The following COL7A1 variants were observed in gnomAD, a reference collection of about 807,000 sequenced individuals.
The protein encoded by COL7A1 is collagen type VII alpha 1 chain.
Under a neutral mutation model 456.2 loss-of-function variants are expected in COL7A1, and 296 were observed. That is an observed-to-expected ratio of 0.65 (90% confidence interval 0.59 to 0.71). The LOEUF (loss-of-function observed/expected upper bound fraction) is 0.71. Among genes scored for constraint, COL7A1 ranks in the 30% least tolerant of loss-of-function variants. The pLI is 0.00. For synonymous variants in COL7A1, 1,464 were observed against 1,525.9 expected (o/e 0.96, Z 0.95); for missense variants, 3,441 against 4,017.2 (o/e 0.86, Z 3.88).
In COL7A1 at chr3:48,592,754, C is replaced by A; in HGVS notation, c.846+21G>T. ...GCCCAGCCAAGTCCCCAGCCACCAC[C>A]TATCACTCCTGACATCCTACCTCCT... On this transcript the variant is annotated intron_variant, in intron 7 of 118. Coordinates refer to ENST00000681320, the MANE Select transcript of COL7A1 (RefSeq NM_000094.4). The surrounding 1 kb of genome is among the most constrained non-coding windows in gnomAD (Gnocchi z 7.6). 6.2e-7 allele frequency: 1 copy of A among 1,613,470 alleles called. No homozygotes were observed.
In COL7A1 at chr3:48,568,556, GA is replaced by G; in HGVS notation, c.7759-23del. 6.2e-7 allele frequency: 1 copy of G among 1,605,242 alleles called. No homozygotes were observed. The highest frequency in any genetic ancestry group is 2.2e-5 in the East Asian group (1 of 44,558). On this transcript the variant is annotated intron_variant, in intron 104 of 118. Transcript: ENST00000681320. This position sits in a 1 kb window ranked among gnomAD's most constrained non-coding sequence, Gnocchi z 5.2. ...GACCCTGTGAGAAACACAGATGGGG[GA>G]GCCCTTCAGTGGGACTGTCCCCAAC...
chr3:48,577,414 GGCATGGGCTTATACATGTCTCCAAAGA>G (rs1437608271), intron 65 of COL7A1, among the ~76,000 whole-genome samples: 1 of 152,190 alleles, frequency 6.6e-6, no homozygotes, highest in African/African-American at 2.4e-5. Context: ...TCTGCATATG[GGCATGGGCTTATACATGTCTCCAAAGA>G]GCATGGGCTT....
At position 48,564,864 on chromosome 3, in the gene COL7A1, C is replaced by T; in HGVS notation, c.8737G>A (p.Gly2913Arg). 6.2e-7 allele frequency: 1 copy of T among 1,614,182 alleles called. No homozygotes were observed. The highest frequency in any genetic ancestry group is 2.2e-5 in the East Asian group (1 of 44,870). Residue 2913 changes from glycine (G) to arginine (R), a missense_variant, in exon 118 of 119, where the codon GGA becomes AGA. Physicochemically the swap from Gly to Arg is moderately radical, Grantham distance 125. Transcript: ENST00000681320. This position sits in a 1 kb window ranked among gnomAD's most constrained non-coding sequence, Gnocchi z 6.0. ...GTCCCAAAACGGTTGGCATTCCCTC[C>T]ACAGCCACCATAGACAAAAGGGTGA... The part of the protein sequence containing the change: ...ACHPFVYGGC[G>R]GNANRFGTRE...
At position 48,587,016 on chromosome 3, in the gene COL7A1, G is replaced by A. The variant is rs149154108; in HGVS notation, c.3232C>T (p.Arg1078Cys). 421 of 1,603,422 alleles carry A rather than the reference G, an allele frequency of 2.6e-4. No homozygotes were observed. The highest frequency in any genetic ancestry group is 4.7e-4 in the East Asian group (21 of 44,540). Reference protein sequence around the residue: ...RAEATRRVLERLVLALGPLGP... With the variant: ...RAEATRRVLECLVLALGPLGP... Reference sequence around the variant, plus strand: ...AGAGGCCCAAGTGCCAACACCAGACGCTCCAGGACCCTCCTCGTAGCCTCC... The same window carrying A: ...AGAGGCCCAAGTGCCAACACCAGACACTCCAGGACCCTCCTCGTAGCCTCC... The change falls in exon 25 of 119, where the codon CGT (arginine) becomes TGT (cysteine). Residue 1078 changes from arginine to cysteine, a missense_variant. Physicochemically the swap from Arg to Cys is radical, Grantham distance 180. Coordinates refer to ENST00000681320, the MANE Select transcript of COL7A1 (RefSeq NM_000094.4). The surrounding 1 kb of genome is among the most constrained non-coding windows in gnomAD (Gnocchi z 6.1).
At position 48,579,142 on chromosome 3, in the gene COL7A1, C is replaced by G. The variant is rs975348597; in HGVS notation, c.5388+55G>C. ...AACCAATGAGGCTGGGGTCTAGGGTCCTCATGTGAAGGGGTAGGGGAAGGG... is the reference window on the plus strand; with the variant it reads ...AACCAATGAGGCTGGGGTCTAGGGTGCTCATGTGAAGGGGTAGGGGAAGGG... On this transcript the variant is annotated intron_variant, in intron 62 of 118. Transcript: ENST00000681320. This position sits in a 1 kb window ranked among gnomAD's most constrained non-coding sequence, Gnocchi z 4.4. 2 of 1,596,084 alleles carry G rather than the reference C, an allele frequency of 1.3e-6. No homozygotes were observed. Among genetic ancestry groups the G allele is most frequent in the Non-Finnish European group, 1.7e-6 (2 of 1,166,230 alleles).
rs941738184 is a variant in COL7A1 at position 48,568,583 on chromosome 3, A to C, written c.7759-49T>G. 2.5e-6 allele frequency: 4 copies of C among 1,585,394 alleles called. No individual in the cohort carries two copies. The highest frequency in any genetic ancestry group is 3.4e-6 in the Non-Finnish European group (4 of 1,161,944). On this transcript the variant is annotated intron_variant, in intron 104 of 118. Coordinates refer to ENST00000681320, the MANE Select transcript of COL7A1 (RefSeq NM_000094.4). This position sits in a 1 kb window ranked among gnomAD's most constrained non-coding sequence, Gnocchi z 5.2. ...GCCCTTCAGTGGGACTGTCCCCAAC[A>C]CTGGCCCATCCGCTGCATGTGTGGC...
rs769870600 is a variant in COL7A1 at position 48,570,736 on chromosome 3, G to T, written c.7273-26C>A. 1 of 1,564,528 alleles carries T rather than the reference G, an allele frequency of 6.4e-7. No homozygotes were observed. Among genetic ancestry groups the T allele is most frequent in the African/African-American group, 1.4e-5 (1 of 73,678 alleles). On this transcript the variant is annotated intron_variant, in intron 95 of 118. Coordinates refer to ENST00000681320, the MANE Select transcript of COL7A1 (RefSeq NM_000094.4). This position sits in a 1 kb window ranked among gnomAD's most constrained non-coding sequence, Gnocchi z 5.5. ...CTACCAGAAAAATGGGGCAAGAGAGGCAGAGAGTGACTTGGGAACCCTCCT... is the reference window on the plus strand; with the variant it reads ...CTACCAGAAAAATGGGGCAAGAGAGTCAGAGAGTGACTTGGGAACCCTCCT...
Position 48,592,160 on chromosome 3 carries a change from G to A in COL7A1, c.1182C>T (p.Thr394=), listed in dbSNP as rs1171155934. The change falls in exon 10 of 119, where the codon ACC becomes ACT. Residue 394 remains threonine (T), a synonymous_variant. Coordinates refer to ENST00000681320, the MANE Select transcript of COL7A1 (RefSeq NM_000094.4). The surrounding 1 kb of genome is among the most constrained non-coding windows in gnomAD (Gnocchi z 7.6). ...CACTGCGGCCAAATAGGGTGCTCAC[G>A]GTCACCTCATAGTCCGTGCCAGGCT... The part of the protein sequence containing the change: ...DLEPGTDYEV[T]VSTLFGRSVG... 4.3e-6 allele frequency: 7 copies of A among 1,614,078 alleles called. No homozygotes were observed. Among genetic ancestry groups the A allele is most frequent in the South Asian group, 3.3e-5 (3 of 91,082 alleles).
chr3:48,566,624 C>T lies in COL7A1; in HGVS notation c.8304+36G>A. 6.2e-7 allele frequency: 1 copy of T among 1,614,162 alleles called. No individual in the cohort carries two copies. The highest frequency in any genetic ancestry group is 1.1e-5 in the South Asian group (1 of 91,080). On this transcript the variant is annotated intron_variant, in intron 112 of 118. Transcript: ENST00000681320. The surrounding 1 kb of genome is among the most constrained non-coding windows in gnomAD (Gnocchi z 5.9). ...GACCTCAGGGACAACAGAAGTCACC[C>T]CGATCTCTGACCCAAGCCTTGGAAT...
At position 48,594,690 on chromosome 3, in the gene COL7A1, A is replaced by G; in HGVS notation, c.86-142T>C. The G allele has an allele frequency of 2.0e-6, 2 of 995,368 alleles. No homozygotes were observed. The highest frequency in any genetic ancestry group is 5.2e-5 in the East Asian group (2 of 38,108). 61.7% of individuals were successfully genotyped at this position (995,368 alleles called of 1,614,324 possible). On this transcript the variant is annotated intron_variant, in intron 2 of 118. Transcript: ENST00000681320. The surrounding 1 kb of genome is among the most constrained non-coding windows in gnomAD (Gnocchi z 5.5). ...CCAGGGCCGAATCGGCCTGAGCCTG[A>G]GGGCCTTGGAGGGAGTTGAGCTCGG...
Position 48,567,885 on chromosome 3 carries a change from G to A in COL7A1, c.7882C>T (p.Arg2628Trp), listed in dbSNP as rs376588113. Residue 2628 changes from arginine to tryptophan, a missense_variant, in exon 107 of 119, where the codon CGG becomes TGG. This residue lies in a region of COL7A1 where 2,084 missense variants were observed against 2,501.3 expected (regional missense o/e 0.83). Coordinates refer to ENST00000681320, the MANE Select transcript of COL7A1 (RefSeq NM_000094.4). The surrounding 1 kb of genome is among the most constrained non-coding windows in gnomAD (Gnocchi z 4.3). ...AGGCCACAGGCTCCCTTCACTCCCC[G>A]TTCACCCTGAGGGAGAAAAGCAGAT... ...FMGPRGLKGE[R>W]GVKGACGLDG... is the part of the protein sequence containing the mutation. 12 of 1,613,272 alleles carry A rather than the reference G, an allele frequency of 7.4e-6. No individual in the cohort carries two copies. The highest frequency in any genetic ancestry group is 4.0e-5 in the African/African-American group (3 of 74,568).
In COL7A1 at chr3:48,583,505, G is replaced by C. The variant is rs756684122; in HGVS notation, c.4401+51C>G. On this transcript the variant is annotated intron_variant, in intron 41 of 118. Transcript: ENST00000681320. This position sits in a 1 kb window ranked among gnomAD's most constrained non-coding sequence, Gnocchi z 5.1. The stretch of plus-strand genomic sequence containing the variant: ...GGAGCAGTGGTTGATGATTGAGGTA[G>C]GGGCTGGAGCTGTGCCCACCATATT... The C allele has an allele frequency of 1.2e-6, 2 of 1,613,656 alleles. No homozygotes were observed. Among genetic ancestry groups the C allele is most frequent in the East Asian group, 4.5e-5 (2 of 44,860 alleles).
chr3:48,584,833 AC>A, intron 34 of COL7A1, 64 bp from the exon 35 acceptor site: 1 of 1,613,700 alleles, frequency 6.2e-7, no homozygotes, highest in South Asian at 1.1e-5. Context: ...TGGGCACTGC[AC>A]CACCACCCCA....
In COL7A1 at chr3:48,574,712, C is replaced by G; in HGVS notation, c.6358G>C (p.Gly2120Arg). 6.2e-7 allele frequency: 1 copy of G among 1,613,932 alleles called. No individual in the cohort carries two copies. Among genetic ancestry groups the G allele is most frequent in the Non-Finnish European group, 8.5e-7 (1 of 1,180,030 alleles). Reference sequence around the variant, plus strand: ...TTGGGACCTTGGTCACCATTGCTGCCCGGCTCCCCCTGTGGGGATGAGATG... The same window carrying G: ...TTGGGACCTTGGTCACCATTGCTGCGCGGCTCCCCCTGTGGGGATGAGATG... ...PGLKGAKGEP[G>R]SNGDQGPKGD... Residue 2120 changes from glycine (G) to arginine (R), a missense_variant, in exon 78 of 119, where the codon GGC becomes CGC. This residue lies in a region of COL7A1 where 2,084 missense variants were observed against 2,501.3 expected (regional missense o/e 0.83). Coordinates refer to ENST00000681320, the MANE Select transcript of COL7A1 (RefSeq NM_000094.4). This position sits in a 1 kb window ranked among gnomAD's most constrained non-coding sequence, Gnocchi z 5.0.
rs78875526 is a variant in COL7A1 at position 48,571,204 on chromosome 3, G to A, written c.7104+39C>T. On this transcript the variant is annotated intron_variant, in intron 93 of 118. Coordinates refer to ENST00000681320, the MANE Select transcript of COL7A1 (RefSeq NM_000094.4). This position sits in a 1 kb window ranked among gnomAD's most constrained non-coding sequence, Gnocchi z 4.6. ...TCGGATCAAGCTCAGGGAGTCTCACGACCAGGACCCCAGCAGGGACCCTTC... is the reference window on the plus strand; with the variant it reads ...TCGGATCAAGCTCAGGGAGTCTCACAACCAGGACCCCAGCAGGGACCCTTC... 3.0e-3 allele frequency: 4,829 copies of A among 1,614,040 alleles called. 109 individuals are homozygous for A. In the African/African-American group the frequency reaches 0.055, roughly 18 times the overall value.
Position 48,569,426 on chromosome 3 carries a change from GC to G in COL7A1, c.7634del (p.Gly2545AlafsTer86). ...CCCGAGGTCCTTTGTCACCATCCAA[GC>G]CCCGAGGCCCTCGTTCACCCTGGGT... ...KGDMGERGPR[G>X]LDGDKGPRGD... is the part of the protein sequence containing the mutation. On this transcript the variant is annotated frameshift_variant, in exon 103 of 119. Transcript: ENST00000681320. LOFTEE classifies it high-confidence loss of function. This position sits in a 1 kb window ranked among gnomAD's most constrained non-coding sequence, Gnocchi z 4.9. 1 of 1,614,118 alleles carries G rather than the reference GC, an allele frequency of 6.2e-7. No homozygotes were observed. The highest frequency in any genetic ancestry group is 8.5e-7 in the Non-Finnish European group (1 of 1,180,012).
In COL7A1 at chr3:48,590,515, G is replaced by C; in HGVS notation, c.1850C>G (p.Ala617Gly). 1 of 1,614,118 alleles carries C rather than the reference G, an allele frequency of 6.2e-7. No individual in the cohort carries two copies. The highest frequency in any genetic ancestry group is 8.5e-7 in the Non-Finnish European group (1 of 1,180,020). Reference protein sequence around the residue: ...VVSDATRVRVAWGPVPGASGF... With the variant: ...VVSDATRVRVGWGPVPGASGF... ...ACTGGCTCCAGGGACGGGTCCCCAG[G>C]CCACCCTCACTCGCGTTGCATCTGA... is the stretch of plus-strand genomic sequence containing the variant. Residue 617 changes from alanine (A) to glycine (G), a missense_variant, in exon 15 of 119, where the codon GCC becomes GGC. This residue lies in a region of COL7A1 where 913 missense variants were observed against 1,088.2 expected (regional missense o/e 0.84). Transcript: ENST00000681320. This position sits in a 1 kb window ranked among gnomAD's most constrained non-coding sequence, Gnocchi z 4.6.
Position 48,584,777 on chromosome 3 carries a change from C to T in COL7A1, c.4012-8G>A, listed in dbSNP as rs773379113. 36 of 1,613,890 alleles carry T rather than the reference C, an allele frequency of 2.2e-5. No individual in the cohort carries two copies. Among genetic ancestry groups the T allele is most frequent in the Admixed American group, 8.3e-5 (5 of 60,008 alleles). ...TCGAGGTCCTCGCTCTCCCTGAGGA[C>T]GAAACAGAGCAGAGGGTGGTGCTTG... On this transcript the variant is annotated splice_region_variant and splice_polypyrimidine_tract_variant and intron_variant, in intron 34 of 118. Transcript: ENST00000681320.
rs777800464 is a variant in COL7A1, at chr3:48,565,523, G to T, written c.8441-27C>A. 3.8e-5 allele frequency: 61 copies of T among 1,613,326 alleles called. 2 individuals carry two copies. In the South Asian group the frequency reaches 6.6e-4, roughly 17 times the overall value. ...TGGAGCCAAGAGCAGGGGCCTCAGG[G>T]CCCTGAAGTCACCATGGGCAGCCAT... On this transcript the variant is annotated intron_variant, in intron 115 of 118. Transcript: ENST00000681320. This position sits in a 1 kb window ranked among gnomAD's most constrained non-coding sequence, Gnocchi z 4.5.
Sources: allele counts gnomAD v4.1 joint callset (sites outside exome capture counted in the v4.1 genomes callset), GRCh38; gene constraint gnomAD v4.1.1; regional missense constraint gnomAD v4.1.1; non-coding constraint Gnocchi (gnomAD v3.1); transcripts MANE v1.5; gene names NCBI Gene and HGNC (gene_info 2026-07-23, HGNC 2026-07-21).